Variants in CLEC16A observed in about 807,000 individuals in gnomAD.
CLEC16A encodes the protein C-type lectin domain containing 16A, also known as protein CLEC16A.
Under a neutral mutation model 109.5 loss-of-function variants are expected in CLEC16A, and 51 were observed. The observed-to-expected ratio is 0.47, with a 90% CI of 0.37 to 0.59. The LOEUF is 0.59. Ranked by LOEUF, CLEC16A falls within the 20% of genes least tolerant of loss-of-function variation. CLEC16A has a pLI of 0.00. For missense variants in CLEC16A, 1,339 were observed against 1,394.0 expected, an observed-to-expected ratio of 0.96 and a Z score of 0.63; for synonymous variants, 673 against 564.2, an observed-to-expected ratio of 1.19 and a Z score of -2.73.
At chr16:11,005,195 A>G (rs1015543425) in intron 11 of CLEC16A, among the ~76,000 whole-genome samples, 7 of 152,164 alleles carry the variant, frequency 4.6e-5, no homozygotes, top group African/African-American at 1.7e-4. Flanking sequence ...CAAAATCACA[A>G]TCAAATTAGT....
chr16:11,121,494 C>A (rs1014965559), intron 20 of CLEC16A, among the ~76,000 whole-genome samples: 1 of 152,140 alleles, frequency 6.6e-6, no homozygotes, highest in African/African-American at 2.4e-5. Context: ...TTCCGCTCAA[C>A]GTCACCCCAG....
At chr16:11,050,690 G>C (rs551474776) in intron 17 of CLEC16A, among the ~76,000 whole-genome samples, 1 of 152,356 alleles carries the variant, frequency 6.6e-6, no homozygotes, top group East Asian at 1.9e-4. Flanking sequence ...GAGGCCGTCA[G>C]CTCTGGCCCA....
chr16:11,009,990 C>CA, intron 11 of CLEC16A, among the ~76,000 whole-genome samples: 1 of 151,898 alleles, frequency 6.6e-6, no homozygotes, highest in Non-Finnish European at 1.5e-5. Flanking sequence ...CCTGTCTGTA[C>CA]AAAAAATAAA....
At chr16:11,164,508 C>T (rs1270823964) in intron 22 of CLEC16A, among the ~76,000 whole-genome samples, 2 of 152,192 alleles carry the variant, frequency 1.3e-5, no homozygotes, top group Non-Finnish European at 2.9e-5. Context: ...GGGACTTGCC[C>T]AAGGTCCCTC....
At chr16:11,123,669 A>G in intron 20 of CLEC16A, 73 bp from the exon 21 acceptor site, 1 of 1,438,516 alleles carries the variant, frequency 7.0e-7, no homozygotes, top group Non-Finnish European at 9.8e-7. Context: ...TAGATGCCTC[A>G]TGATGCCACA....
At chr16:11,017,744 C>G (rs2045844157) in intron 11 of CLEC16A, among the ~76,000 whole-genome samples, 1 of 152,028 alleles carries the variant, frequency 6.6e-6, no homozygotes, top group African/African-American at 2.4e-5. Flanking sequence ...ACCTGTAACC[C>G]CAGTCTAAAT....
chr16:11,032,037 A>G (rs1237144819), intron 13 of CLEC16A, among the ~76,000 whole-genome samples: 1 of 152,194 alleles, frequency 6.6e-6, no homozygotes, highest in African/African-American at 2.4e-5. Flanking sequence ...TTGGACAGAA[A>G]AGTCCTACGA....
intron 19 of CLEC16A, among the ~76,000 whole-genome samples, chr16:11,095,856 T>C (rs1170472605): frequency 1.4e-5 from 2 of 148,136 alleles, no homozygotes; most frequent in African/African-American, 5.0e-5. Context: ...GAAGCGTAGC[T>C]GTAGCGTAAG....
intron 10 of CLEC16A, among the ~76,000 whole-genome samples, chr16:10,987,941 C>G (rs1028498740): frequency 6.6e-6 from 1 of 152,184 alleles, no homozygotes; most frequent in Non-Finnish European, 1.5e-5. Flanking sequence ...GGGGAGATCA[C>G]AGTTATTTGA....
intron 13 of CLEC16A, among the ~76,000 whole-genome samples, chr16:11,035,103 C>A (rs1049658382): frequency 8.5e-5 from 13 of 152,184 alleles, no homozygotes; most frequent in Non-Finnish European, 1.3e-4. Flanking sequence ...TAAATGCCAT[C>A]CTAAGTACAG....
chr16:10,952,229 C>G (rs906050999), intron 1 of CLEC16A, among the ~76,000 whole-genome samples: 1 of 152,198 alleles, frequency 6.6e-6, no homozygotes, highest in East Asian at 1.9e-4. Context: ...TGAGTTGGCT[C>G]ACACCTGTAA....
intron 6 of CLEC16A, 86 bp downstream of exon 6, chr16:10,972,645 T>A: frequency 7.8e-7 from 1 of 1,274,822 alleles, no homozygotes; most frequent in Non-Finnish European, 1.1e-6. Flanking sequence ...ATTCTCAGTG[T>A]AGTCTAGCTC....
At chr16:10,980,052 T>G (rs2043232966) in intron 9 of CLEC16A, among the ~76,000 whole-genome samples, 1 of 152,250 alleles carries the variant, frequency 6.6e-6, no homozygotes, top group African/African-American at 2.4e-5. Flanking sequence ...GGCATCTCAT[T>G]AGACTATTAA....
chr16:11,062,096 C>T (rs1352453476), intron 19 of CLEC16A, among the ~76,000 whole-genome samples: 1 of 152,034 alleles, frequency 6.6e-6, no homozygotes, highest in Admixed American at 6.5e-5. Flanking sequence ...AGGAATGTGA[C>T]TCACTGATTG....
chr16:11,113,413 A>C (rs1217930280), intron 19 of CLEC16A, among the ~76,000 whole-genome samples: 6 of 152,192 alleles, frequency 3.9e-5, no homozygotes, highest in African/African-American at 1.2e-4. Context: ...TAATTCCAGC[A>C]CTTTGGGAGG....
chr16:11,149,893 T>C (rs1477175142), intron 22 of CLEC16A: 1 of 152,160 alleles, frequency 6.6e-6, no homozygotes, highest in African/African-American at 2.4e-5. Context: ...CAGACCCTTC[T>C]CTGTGCAGTT....
chr16:10,947,201 TG>T (rs967125580), intron 1 of CLEC16A, among the ~76,000 whole-genome samples: 1 of 152,152 alleles, frequency 6.6e-6, no homozygotes, highest in Non-Finnish European at 1.5e-5. Flanking sequence ...TGTGTATTGG[TG>T]GGGGGGTTAG....
chr16:11,170,239 A>T (rs1436726959), intron 23 of CLEC16A, among the ~76,000 whole-genome samples: 1 of 152,036 alleles, frequency 6.6e-6, no homozygotes, highest in Non-Finnish European at 1.5e-5. Flanking sequence ...TCACGGCCCC[A>T]CTCGTGAAGG....
At chr16:10,944,853 C>G in intron 1 of CLEC16A, 56 bp downstream of exon 1, 1 of 1,483,076 alleles carries the variant, frequency 6.7e-7, no homozygotes, top group Non-Finnish European at 9.2e-7. Context: ...GACGGGGCGC[C>G]GAGCTCCGGG....
Sources: gnomAD v4.1 joint callset for allele counts (sites outside exome capture counted in the v4.1 genomes callset) on GRCh38, gnomAD v4.1.1 for gene constraint, MANE v1.5 for transcripts, NCBI Gene and HGNC (gene_info 2026-07-23, HGNC 2026-07-21) for gene names.